PHF19: variants seen among roughly 807,000 people sequenced by gnomAD.
PHF19 encodes PHD finger protein 19.
A neutral mutation model predicts 79.8 loss-of-function variants in PHF19; 21 were observed. That is an observed-to-expected ratio of 0.26 (90% CI 0.19 to 0.38). The LOEUF is 0.38. Ranked by LOEUF, PHF19 falls within the 10% of genes least tolerant of loss-of-function variation. The probability of loss-of-function intolerance (pLI) is 1.00; values close to 1 mark genes in which losing one functional copy is unlikely to be tolerated. For synonymous variants in PHF19, 273 were observed against 296.3 expected (o/e 0.92, Z 0.81); for missense variants, 445 against 744.2 (o/e 0.60, Z 4.68).
chr9:120,880,363 C>T (rs761690251), upstream of PHF19, among the ~76,000 whole-genome samples: 4 of 152,104 alleles, frequency 2.6e-5, no homozygotes, highest in East Asian at 1.9e-4. Flanking sequence ...GGCATGGTGG[C>T]GTGTGCCTGT....
chr9:120,881,056 G>A (rs1019165503), upstream of PHF19, among the ~76,000 whole-genome samples: 40 of 152,026 alleles, frequency 2.6e-4, no homozygotes, highest in African/African-American at 9.7e-4. Flanking sequence ...ATTGAAACAT[G>A]CATGGGAAAT....
upstream of PHF19, among the ~76,000 whole-genome samples, chr9:120,877,731 GAC>G (rs960168671): frequency 1.8e-4 from 28 of 152,344 alleles, no homozygotes; most frequent in African/African-American, 6.5e-4. Context: ...TCGGCACAGA[GAC>G]ACAGCACAAG....
At chr9:120,885,351 G>A (rs1564516889) in intron 1 of PHF19, among the ~76,000 whole-genome samples, 2 of 151,978 alleles carry the variant, frequency 1.3e-5, no homozygotes, top group South Asian at 2.1e-4. Context: ...AGGCCGAGGC[G>A]GGCAGATCAT....
intron 6 of PHF19, 151 bp from the exon 7 acceptor site, chr9:120,867,116 C>A (rs2045727062): frequency 3.2e-6 from 2 of 616,112 alleles, no homozygotes; most frequent in South Asian, 1.9e-5. Flanking sequence ...AAGGGAGGAC[C>A]TGAGAGTTGG....
chr9:120,860,517 G>A lies in PHF19; in HGVS notation c.1305-332C>T. ...TTGTTTGAGGAAAAGAGCTGAGGAG[G>A]TTCAGAGAGGTTAAGGGATTTAGGT... On this transcript the variant is annotated intron_variant, in intron 13 of 14. Coordinates refer to ENST00000373896, the MANE Select transcript of PHF19 (RefSeq NM_015651.3). This position sits in a 1 kb window ranked among gnomAD's most constrained non-coding sequence, Gnocchi z 4.1. 1 of 341,116 alleles carries A rather than the reference G, an allele frequency of 2.9e-6. No individual in the cohort carries two copies. Among genetic ancestry groups the A allele is most frequent in the South Asian group, 2.7e-5 (1 of 37,516 alleles). 21.1% of individuals were successfully genotyped at this position (341,116 alleles called of 1,614,324 possible).
In PHF19 at chr9:120,862,566, C is replaced by A. The variant is rs2045564584; in HGVS notation, c.1130+22G>T. On this transcript the variant is annotated intron_variant, in intron 11 of 14. Transcript: ENST00000373896. The surrounding 1 kb of genome is among the most constrained non-coding windows in gnomAD (Gnocchi z 4.6). ...AACCGAGTTTGGCGGCAGCCCTGGC[C>A]CCTGGGTCCCCGAGCACTGACCCAG... The A allele has an allele frequency of 1.2e-6, 2 of 1,606,972 alleles. No homozygotes were observed. The highest frequency in any genetic ancestry group is 8.5e-7 in the Non-Finnish European group (1 of 1,175,356).
rs1406328466 is a variant in PHF19, at chr9:120,864,050, G to T, written c.967C>A (p.Arg323=). The change falls in exon 10 of 15, where the codon CGG becomes AGG. Residue 323 remains arginine, a splice_region_variant and synonymous_variant. Coordinates refer to ENST00000373896, the MANE Select transcript of PHF19 (RefSeq NM_015651.3). ...LLNALNSYKS[R]FLCGKEIKKK... ...ACTCCCTCCCCTCCCTGCACGCACC[G>T]GCTTTTATAACTGTTCAGAGCGTTG... 6.2e-7 allele frequency: 1 copy of T among 1,613,138 alleles called. No homozygotes were observed. The highest frequency in any genetic ancestry group is 8.5e-7 in the Non-Finnish European group (1 of 1,179,556).
the PHF19 span, among the ~76,000 whole-genome samples, chr9:120,901,324 C>G: frequency 1.3e-5 from 2 of 152,164 alleles, no homozygotes; most frequent in Non-Finnish European, 2.9e-5. Flanking sequence ...TCCCGAGTAG[C>G]TGGGACTACA....
chr9:120,868,608 C>G (rs1008650967), intron 6 of PHF19: 1 of 170,322 alleles, frequency 5.9e-6, no homozygotes, highest in Non-Finnish European at 1.2e-5. Flanking sequence ...CCCTCCAGCC[C>G]TGCTCCACAG....
chr9:120,890,542 C>G (rs998260633), intron 1 of PHF19, among the ~76,000 whole-genome samples: 16 of 152,216 alleles, frequency 1.1e-4, no homozygotes, highest in Non-Finnish European at 1.6e-4. Context: ...GCTCCTAATT[C>G]CTTCCTGGTT....
chr9:120,874,809 C>A lies in PHF19; in HGVS notation c.-15-53G>T. ...TTCTTGCTTCCCTGCTTCAGAAAGCCCATCAGGGGAAGGAAGGAAACCACC... is the reference window on the plus strand; with the variant it reads ...TTCTTGCTTCCCTGCTTCAGAAAGCACATCAGGGGAAGGAAGGAAACCACC... On this transcript the variant is annotated intron_variant, in intron 1 of 14. Transcript: ENST00000373896. This position sits in a 1 kb window ranked among gnomAD's most constrained non-coding sequence, Gnocchi z 4.5. 8.2e-7 allele frequency: 1 copy of A among 1,226,808 alleles called. No individual in the cohort carries two copies. The highest frequency in any genetic ancestry group is 1.2e-6 in the Non-Finnish European group (1 of 847,942). The allele number at this position is 1,226,808 out of a possible 1,614,324, so 76.0% of individuals were successfully genotyped here. A position where few individuals can be genotyped will look rare whatever the true frequency, so the allele number is the denominator to read the frequency against.
At chr9:120,858,465 T>A (rs1002895941) in intron 14 of PHF19, among the ~76,000 whole-genome samples, 179 bp from the exon 15 acceptor site, 3 of 152,278 alleles carry the variant, frequency 2.0e-5, no homozygotes, top group African/African-American at 7.2e-5. Flanking sequence ...GTCCCTGAGA[T>A]AATCTATGCC....
intron 1 of PHF19, among the ~76,000 whole-genome samples, chr9:120,888,182 G>T (rs1349461831): frequency 6.6e-6 from 1 of 152,128 alleles, no homozygotes; most frequent in Non-Finnish European, 1.5e-5. Context: ...CACCATGTTG[G>T]TCAGGCTGGT....
chr9:120,864,078 G>A lies in PHF19; in HGVS notation c.939C>T (p.Leu313=). ...STPVTDRGPH[L]LNALNSYKSR... ...TTTTATAACTGTTCAGAGCGTTGAG[G>A]AGATGTGGTCCTCGATCTGTCACTG... Residue 313 remains leucine, a synonymous_variant, in exon 10 of 15, where the codon CTC becomes CTT. Coordinates refer to ENST00000373896, the MANE Select transcript of PHF19 (RefSeq NM_015651.3). 6.2e-7 allele frequency: 1 copy of A among 1,614,000 alleles called. No individual in the cohort carries two copies. Among genetic ancestry groups the A allele is most frequent in the Non-Finnish European group, 8.5e-7 (1 of 1,179,956 alleles).
At chr9:120,872,066 A>AAAAAAAG (rs1564506588) in intron 3 of PHF19, among the ~76,000 whole-genome samples, 2 of 148,492 alleles carry the variant, frequency 1.3e-5, no homozygotes, top group Non-Finnish European at 1.5e-5. Context: ...AAAAAAAAAA[A>AAAAAAAG]AAGAAATGGT....
chr9:120,894,385 T>G (rs1375117014), intron 1 of PHF19, among the ~76,000 whole-genome samples: 1 of 152,196 alleles, frequency 6.6e-6, no homozygotes, highest in African/African-American at 2.4e-5. Context: ...GACCTCTCTT[T>G]GCCTCTGTCT....
chr9:120,861,706 C>T (rs1266559793), intron 12 of PHF19, among the ~76,000 whole-genome samples: 2 of 152,106 alleles, frequency 1.3e-5, no homozygotes, highest in African/African-American at 2.4e-5. Context: ...ATATTACCTG[C>T]CTTTGCCCCC....
intron 1 of PHF19, among the ~76,000 whole-genome samples, chr9:120,886,384 T>C (rs2046263060): frequency 6.6e-6 from 1 of 152,144 alleles, no homozygotes; most frequent in Admixed American, 6.5e-5. Context: ...GTAGAGTTTG[T>C]ATGGACACCG....
upstream of PHF19, among the ~76,000 whole-genome samples, chr9:120,879,064 CT>C (rs1554821084): frequency 1.9e-5 from 2 of 105,324 alleles, no homozygotes; most frequent in African/African-American, 3.5e-5. Flanking sequence ...TTCTTTCTTT[CT>C]TTTTTTTTTA....
Sources: allele counts gnomAD v4.1 joint callset (sites outside exome capture counted in the v4.1 genomes callset), GRCh38; gene constraint gnomAD v4.1.1; non-coding constraint Gnocchi (gnomAD v3.1); transcripts MANE v1.5; gene names NCBI Gene and HGNC (gene_info 2026-07-23, HGNC 2026-07-21).